The following PARD6B variants were observed in gnomAD, a reference collection of about 807,000 sequenced individuals.
PARD6B encodes the protein par-6 family cell polarity regulator beta.
Under a neutral mutation model 10.5 loss-of-function variants are expected in PARD6B, and 4 were observed. The observed-to-expected ratio is 0.38, with a 90% confidence interval of 0.19 to 0.87. The LOEUF (loss-of-function observed/expected upper bound fraction) is 0.87. Among genes scored for constraint, PARD6B ranks in the 40% least tolerant of loss-of-function variants. PARD6B has a pLI of 0.41. For missense variants in PARD6B, 396 were observed against 470.6 expected (o/e 0.84, Z 1.47); for synonymous variants, 169 against 170.4 (o/e 0.99, Z 0.07).
Position 50,752,922 on chromosome 20 carries a change from G to T in PARD6B, c.*2434G>T, listed in dbSNP as rs1051428599. 4.9e-5 allele frequency: 48 copies of T among 982,176 alleles called. No homozygotes were observed. In the South Asian group the frequency reaches 5.7e-4, roughly 12 times the overall value. The allele number at this position is 982,176 out of a possible 1,614,324, so 60.8% of individuals were successfully genotyped here. ...CTTCCATTTATATGCTATTTTTAAT[G>T]GCATTCCGGCTTTAACATTCTGTGA... On this transcript the variant is annotated 3_prime_UTR_variant, in exon 3 of 3. Transcript: ENST00000371610.
At chr20:50,747,489 CTTTTTTTTTTTT>C (rs58629233) in intron 2 of PARD6B, among the ~76,000 whole-genome samples, 4 of 33,354 alleles carry the variant, frequency 1.2e-4, no homozygotes, top group Admixed American at 1.0e-3. Context: ...TTCTTTCTTT[CTTTTTTTTTTTT>C]TTTTTTTTTT....
At chr20:50,734,685 A>C (rs1360672079) in intron 1 of PARD6B, among the ~76,000 whole-genome samples, 1 of 151,146 alleles carries the variant, frequency 6.6e-6, no homozygotes, top group African/African-American at 2.4e-5. Context: ...TACTATTTTC[A>C]ATTTTTTTTT....
intron 2 of PARD6B, among the ~76,000 whole-genome samples, chr20:50,743,846 G>A (rs1425186758): frequency 8.2e-5 from 12 of 146,926 alleles, no homozygotes; most frequent in East Asian, 6.2e-4. Context: ...CCTAGATCGC[G>A]CCACTGCACT....
At chr20:50,740,896 C>G (rs1043545886) in intron 2 of PARD6B, among the ~76,000 whole-genome samples, 12 of 152,058 alleles carry the variant, frequency 7.9e-5, no homozygotes, top group Admixed American at 7.9e-4. Flanking sequence ...CTCATTCTCT[C>G]ACTCCCTCAT....
At position 50,751,159 on chromosome 20, in the gene PARD6B, A is replaced by T; in HGVS notation, c.*671A>T. The T allele has an allele frequency of 1.5e-6, 1 of 670,520 alleles. No homozygotes were observed. Among genetic ancestry groups the T allele is most frequent in the Non-Finnish European group, 1.8e-6 (1 of 543,916 alleles). 41.5% of individuals were successfully genotyped at this position (670,520 alleles called of 1,614,324 possible). Reference sequence around the variant, plus strand: ...TACTTTTTGTATTTTTTGTAGAGACAGGGTTTCGCCATGTTGCCCAAGTTG... The same window carrying T: ...TACTTTTTGTATTTTTTGTAGAGACTGGGTTTCGCCATGTTGCCCAAGTTG... On this transcript the variant is annotated 3_prime_UTR_variant, in exon 3 of 3. Coordinates refer to ENST00000371610, the MANE Select transcript of PARD6B (RefSeq NM_032521.3).
intron 2 of PARD6B, among the ~76,000 whole-genome samples, chr20:50,746,811 A>G (rs1316151202): frequency 6.6e-6 from 1 of 152,226 alleles, no homozygotes; most frequent in Non-Finnish European, 1.5e-5. Flanking sequence ...CTCAGTTTAT[A>G]TGGTCTGGAA....
At chr20:50,735,417 A>G (rs2087494619) in intron 1 of PARD6B, among the ~76,000 whole-genome samples, 1 of 152,210 alleles carries the variant, frequency 6.6e-6, no homozygotes, top group East Asian at 1.9e-4. Flanking sequence ...TTTCCTAATT[A>G]TTATTCATAG....
chr20:50,732,915 A>AG (rs2087479768), intron 1 of PARD6B, among the ~76,000 whole-genome samples: 1 of 151,980 alleles, frequency 6.6e-6, no homozygotes, highest in Non-Finnish European at 1.5e-5. Flanking sequence ...TCAAAAAAAA[A>AG]AAGTAATGGA....
chr20:50,743,777 T>C (rs2087544562), intron 2 of PARD6B, among the ~76,000 whole-genome samples: 1 of 151,100 alleles, frequency 6.6e-6, no homozygotes, highest in Non-Finnish European at 1.5e-5. Context: ...TAGTCCCAGC[T>C]ACTCGGAAGG....
chr20:50,737,259 T>A (rs757010270), intron 1 of PARD6B, among the ~76,000 whole-genome samples: 1 of 152,228 alleles, frequency 6.6e-6, no homozygotes, highest in East Asian at 1.9e-4. Context: ...GCCAAACACA[T>A]AAACACTTTG....
intron 2 of PARD6B, among the ~76,000 whole-genome samples, chr20:50,745,158 A>AG (rs1309735076): frequency 5.3e-5 from 8 of 152,220 alleles, no homozygotes; most frequent in African/African-American, 1.9e-4. Context: ...GGCTGGGCGC[A>AG]GTGGCTCACG....
intron 2 of PARD6B, among the ~76,000 whole-genome samples, chr20:50,746,264 G>C (rs1389618240): frequency 6.6e-6 from 1 of 152,116 alleles, no homozygotes; most frequent in Non-Finnish European, 1.5e-5. Context: ...AGCCCTGCAG[G>C]ATAAGTGAAG....
At chr20:50,743,446 C>G (rs1337357221) in intron 2 of PARD6B, among the ~76,000 whole-genome samples, 1 of 152,162 alleles carries the variant, frequency 6.6e-6, no homozygotes, top group Non-Finnish European at 1.5e-5. Context: ...ATGCTGGTAA[C>G]TGGGCATCTA....
At position 50,744,452 on chromosome 20, in the gene PARD6B, C is replaced by T. The variant is rs531859991; in HGVS notation, c.290-5207C>T. 2.6e-4 allele frequency among the ~76,000 whole-genome samples: 40 copies of T among 152,312 alleles called. No homozygotes were observed. The Middle Eastern group carries it at 0.01, about 39-fold the overall frequency. On this transcript the variant is annotated intron_variant, in intron 2 of 2. Transcript: ENST00000371610. The stretch of plus-strand genomic sequence containing the variant: ...TCTTGTCCTCCCCCTCCACGTCCTT[C>T]TCCAGCCTGCAGCCGGAGTGAGCTT...
At chr20:50,743,762 G>A (rs1406593955) in intron 2 of PARD6B, among the ~76,000 whole-genome samples, 5 of 151,808 alleles carry the variant, frequency 3.3e-5, no homozygotes, top group Non-Finnish European at 5.9e-5. Flanking sequence ...GGTGGTGGGC[G>A]CCTGTAGTCC....
At position 50,753,376 on chromosome 20, in the gene PARD6B, A is replaced by G; in HGVS notation, c.*2888A>G. 1.0e-6 allele frequency: 1 copy of G among 985,414 alleles called. No homozygotes were observed. The highest frequency in any genetic ancestry group is 1.2e-6 in the Non-Finnish European group (1 of 829,530). The allele number at this position is 985,414 out of a possible 1,614,324, so 61.0% of individuals were successfully genotyped here. A position where few individuals can be genotyped will look rare whatever the true frequency, so the allele number is the denominator to read the frequency against. On this transcript the variant is annotated 3_prime_UTR_variant, in exon 3 of 3. Coordinates refer to ENST00000371610, the MANE Select transcript of PARD6B (RefSeq NM_032521.3). ...TATCAGCTCATTGGTAGGCTGAATCAATTATTTCAAGTGCACCTTATTAAC... is the reference window on the plus strand; with the variant it reads ...TATCAGCTCATTGGTAGGCTGAATCGATTATTTCAAGTGCACCTTATTAAC...
At chr20:50,740,357 A>T (rs1324903178) in intron 2 of PARD6B, among the ~76,000 whole-genome samples, 1 of 152,224 alleles carries the variant, frequency 6.6e-6, no homozygotes, top group Admixed American at 6.5e-5. Context: ...TTGGATGTGC[A>T]TTCAAATATA....
At chr20:50,746,947 G>A (rs535026660) in intron 2 of PARD6B, among the ~76,000 whole-genome samples, 1 of 152,040 alleles carries the variant, frequency 6.6e-6, no homozygotes, top group Non-Finnish European at 1.5e-5. Flanking sequence ...AAAGATTGTT[G>A]TACCAATGGA....
At chr20:50,738,978 T>C (rs6020718) in intron 2 of PARD6B, among the ~76,000 whole-genome samples, 127,289 of 150,004 alleles carry the variant, frequency 0.85, 54,537 homozygotes, top group East Asian at 0.99. Flanking sequence ...CTCGTAGCCT[T>C]TGTGTGTGTA....
Sources: allele counts gnomAD v4.1 joint callset (sites outside exome capture counted in the v4.1 genomes callset), GRCh38; gene constraint gnomAD v4.1.1; transcripts MANE v1.5; gene names NCBI Gene and HGNC (gene_info 2026-07-23, HGNC 2026-07-21).